The following HS3ST4 variants were observed in gnomAD, a reference collection of about 807,000 sequenced individuals.
The protein encoded by HS3ST4 is heparan sulfate-glucosamine 3-sulfotransferase 4.
HS3ST4 carries 17 observed loss-of-function variants against 29.2 expected under a neutral mutation model. The observed-to-expected ratio is 0.58, with a 90% CI of 0.40 to 0.87. The LOEUF is 0.87. Ranked by LOEUF, HS3ST4 falls within the 40% of genes least tolerant of loss-of-function variation. The pLI, the probability that HS3ST4 is intolerant of heterozygous loss-of-function variation, is 0.00. For synonymous variants in HS3ST4, 314 were observed against 285.7 expected (o/e 1.10, Z -1.00); for missense variants, 627 against 634.5 (o/e 0.99, Z 0.13).
intron 1 of HS3ST4, among the ~76,000 whole-genome samples, chr16:26,066,537 T>C (rs1898544331): frequency 6.6e-6 from 1 of 152,160 alleles, no homozygotes; most frequent in African/African-American, 2.4e-5. Flanking sequence ...CTTCTCTCCC[T>C]CTCTTCTTTT....
At chr16:26,023,057 GA>G (rs1038946972) in intron 1 of HS3ST4, among the ~76,000 whole-genome samples, 2 of 151,614 alleles carry the variant, frequency 1.3e-5, no homozygotes, top group African/African-American at 2.4e-5. Flanking sequence ...AAAAGAAGAA[GA>G]AAAAAAACCA....
intron 1 of HS3ST4, among the ~76,000 whole-genome samples, chr16:25,899,309 C>A (rs1158420348): frequency 2.0e-5 from 3 of 152,172 alleles, no homozygotes; most frequent in African/African-American, 7.2e-5. Context: ...CTGAAGGTTT[C>A]TGAGGGAGAC....
At chr16:25,751,165 G>C (rs1260170949) in intron 1 of HS3ST4, among the ~76,000 whole-genome samples, 1 of 152,184 alleles carries the variant, frequency 6.6e-6, no homozygotes, top group Non-Finnish European at 1.5e-5. Context: ...CAGTTGCGCA[G>C]GTTCTGACCA....
At chr16:25,867,761 T>C (rs1018851777) in intron 1 of HS3ST4, among the ~76,000 whole-genome samples, 1 of 152,136 alleles carries the variant, frequency 6.6e-6, no homozygotes, top group Non-Finnish European at 1.5e-5. Context: ...TCATTTATAG[T>C]CAAGAGTTAC....
intron 1 of HS3ST4, among the ~76,000 whole-genome samples, chr16:25,903,090 T>G (rs982645271): frequency 2.6e-5 from 4 of 151,044 alleles, no homozygotes; most frequent in African/African-American, 7.3e-5. Flanking sequence ...TGCAGGGCAA[T>G]AGTAAAACAT....
chr16:25,892,816 CCCCTATGCACTGGG>C (rs1370427156), intron 1 of HS3ST4, among the ~76,000 whole-genome samples: 5 of 152,088 alleles, frequency 3.3e-5, no homozygotes, highest in Admixed American at 6.5e-5. Context: ...TTAGTAGGGG[CCCCTATGCACTGGG>C]CATGTTTCAG....
chr16:26,002,789 GAAAA>G (rs1174690061), intron 1 of HS3ST4, among the ~76,000 whole-genome samples: 1 of 149,376 alleles, frequency 6.7e-6, no homozygotes, highest in Non-Finnish European at 1.5e-5. Context: ...AAGAAAGAAA[GAAAA>G]AGAAAGAAGG....
intron 1 of HS3ST4, among the ~76,000 whole-genome samples, chr16:25,959,964 A>G (rs369666136): frequency 1.2e-4 from 19 of 152,136 alleles, no homozygotes; most frequent in East Asian, 9.6e-4. Flanking sequence ...GTGAAACTCC[A>G]TCTCTACCAA....
intron 1 of HS3ST4, among the ~76,000 whole-genome samples, chr16:25,912,396 A>G (rs1230883349): frequency 2.0e-5 from 3 of 151,874 alleles, no homozygotes; most frequent in Non-Finnish European, 4.4e-5. Context: ...TTTTTACCCC[A>G]TTTCTGCTGG....
intron 1 of HS3ST4, among the ~76,000 whole-genome samples, chr16:25,831,021 G>C (rs1475287451): frequency 6.6e-6 from 1 of 152,090 alleles, no homozygotes; most frequent in Non-Finnish European, 1.5e-5. Context: ...CTTCCTCCCT[G>C]CACTTCAGCC....
intron 1 of HS3ST4, among the ~76,000 whole-genome samples, chr16:25,756,987 G>A (rs1218805301): frequency 6.6e-6 from 1 of 152,132 alleles, no homozygotes; most frequent in Non-Finnish European, 1.5e-5. Flanking sequence ...CAACCTGAGG[G>A]AAGGTACCTA....
chr16:25,728,773 A>G (rs1245181360), intron 1 of HS3ST4, among the ~76,000 whole-genome samples: 2 of 152,204 alleles, frequency 1.3e-5, no homozygotes, highest in African/African-American at 4.8e-5. Context: ...AATGATAACT[A>G]GTAACACCCT....
intron 1 of HS3ST4, among the ~76,000 whole-genome samples, chr16:26,055,220 A>C (rs1596665170): frequency 6.6e-6 from 1 of 152,176 alleles, no homozygotes; most frequent in East Asian, 1.9e-4. Context: ...CAGGATTTGA[A>C]GTTAGACTGG....
chr16:25,693,732 C>T (rs1966273823), intron 1 of HS3ST4, among the ~76,000 whole-genome samples: 1 of 152,166 alleles, frequency 6.6e-6, no homozygotes. Flanking sequence ...AACTTTCCAT[C>T]CCCCTTGGCT....
intron 1 of HS3ST4, among the ~76,000 whole-genome samples, chr16:25,758,822 G>A (rs907957823): frequency 6.6e-6 from 1 of 152,018 alleles, no homozygotes; most frequent in Non-Finnish European, 1.5e-5. Flanking sequence ...CGGGCGTGGT[G>A]GTGCACGCCT....
intron 1 of HS3ST4, among the ~76,000 whole-genome samples, chr16:25,836,491 C>T (rs1255232365): frequency 6.6e-6 from 1 of 152,162 alleles, no homozygotes; most frequent in Non-Finnish European, 1.5e-5. Context: ...GGCTTTTTAG[C>T]AACAGGAACA....
intron 1 of HS3ST4, among the ~76,000 whole-genome samples, chr16:26,097,219 A>G (rs1287897091): frequency 4.7e-5 from 7 of 148,888 alleles, no homozygotes; most frequent in African/African-American, 1.3e-4. Context: ...TATTCACAGA[A>G]TTGGAAAAAA....
chr16:25,875,746 C>A (rs1967824481), intron 1 of HS3ST4, among the ~76,000 whole-genome samples: 1 of 152,178 alleles, frequency 6.6e-6, no homozygotes, highest in African/African-American at 2.4e-5. Flanking sequence ...ATTGCAAATA[C>A]CTGAGGCTGG....
rs116223824 is a variant in HS3ST4 at position 25,812,044 on chromosome 16, G to A, written c.734+118893G>A. 6.8e-3 allele frequency among the ~76,000 whole-genome samples: 1,041 copies of A among 152,134 alleles called. 13 individuals carry two copies. Among genetic ancestry groups the A allele is most frequent in the African/African-American group, 0.023 (975 of 41,502 alleles). On this transcript the variant is annotated intron_variant, in intron 1 of 1. Transcript: ENST00000331351. ...GTATTCCATGGTGCATATGTACCAC[G>A]TTTTCTTTATGCGGTCTACTGTTGA...
Sources: gnomAD v4.1 joint callset for allele counts (sites outside exome capture counted in the v4.1 genomes callset) on GRCh38, gnomAD v4.1.1 for gene constraint, MANE v1.5 for transcripts, NCBI Gene and HGNC (gene_info 2026-07-23, HGNC 2026-07-21) for gene names.